Variants in PRKG1 observed in about 807,000 individuals in gnomAD.
PRKG1 encodes cGMP-dependent protein kinase 1.
Under a neutral mutation model 88.1 loss-of-function variants are expected in PRKG1, and 35 were observed. The ratio of observed to expected loss-of-function variants is 0.40; its 90% confidence interval spans 0.30 to 0.53. The LOEUF (loss-of-function observed/expected upper bound fraction) is 0.53, where lower values mean the gene tolerates loss of function less well. PRKG1 is among the 20% of genes least tolerant of loss of function. The pLI, the probability that PRKG1 is intolerant of heterozygous loss-of-function variation, is 0.59. For synonymous variants in PRKG1, 303 were observed against 292.5 expected (o/e 1.04, Z -0.37); for missense variants, 540 against 839.8 (o/e 0.64, Z 4.41).
chr10:51,436,578 A>C (rs74132015), intron 2 of PRKG1, among the ~76,000 whole-genome samples: 7,535 of 152,036 alleles, frequency 0.05, 600 homozygotes, highest in African/African-American at 0.17. Context: ...AATGGCTCCT[A>C]ATGAGTTCTT....
At chr10:52,046,179 A>C (rs1391286430) in intron 5 of PRKG1, among the ~76,000 whole-genome samples, 1 of 152,148 alleles carries the variant, frequency 6.6e-6, no homozygotes, top group African/African-American at 2.4e-5. Flanking sequence ...GTTGAAGGTC[A>C]CTGGGTTAAT....
chr10:51,495,762 A>G (rs1437910601), intron 3 of PRKG1, among the ~76,000 whole-genome samples: 1 of 152,202 alleles, frequency 6.6e-6, no homozygotes, highest in Non-Finnish European at 1.5e-5. Context: ...AAGGAGGTAA[A>G]TGTATATTCC....
At chr10:51,556,471 A>G (rs1402195447) in intron 3 of PRKG1, among the ~76,000 whole-genome samples, 1 of 151,952 alleles carries the variant, frequency 6.6e-6, no homozygotes, top group East Asian at 1.9e-4. Context: ...TAGCAAAGAC[A>G]TGGACCCAAC....
intron 1 of PRKG1, among the ~76,000 whole-genome samples, chr10:51,107,555 C>T (rs904347939): frequency 6.6e-6 from 1 of 151,498 alleles, no homozygotes; most frequent in Admixed American, 6.6e-5. Flanking sequence ...AACTGATGAA[C>T]CTCATCTGGG....
At chr10:52,043,879 T>C (rs1845804823) in intron 5 of PRKG1, among the ~76,000 whole-genome samples, 1 of 143,270 alleles carries the variant, frequency 7.0e-6, no homozygotes, top group Admixed American at 7.1e-5. Context: ...GAAAATCCAT[T>C]AAGTAAACAG....
intron 2 of PRKG1, among the ~76,000 whole-genome samples, chr10:51,456,093 G>T (rs932521855): frequency 6.6e-6 from 1 of 152,182 alleles, no homozygotes; most frequent in Non-Finnish European, 1.5e-5. Context: ...TGATCATGGT[G>T]AAAGTGAAGG....
chr10:51,797,570 A>G lies in PRKG1; in HGVS notation c.593-7015A>G, dbSNP rs1249612212. Among the ~76,000 whole-genome samples, 25 of 147,072 alleles carry G rather than the reference A, an allele frequency of 1.7e-4. No homozygotes were observed. The Admixed American group carries it at 1.7e-3, about 10-fold the overall frequency. Reference sequence around the variant, plus strand: ...ATTAAATATAATATTTTATTATATTATTTTATGTTATATATAAATATCTAA... The same window carrying G: ...ATTAAATATAATATTTTATTATATTGTTTTATGTTATATATAAATATCTAA... On this transcript the variant is annotated intron_variant, in intron 3 of 17. Transcript: ENST00000373980.
chr10:51,094,839 A>G (rs1844491120), intron 1 of PRKG1, among the ~76,000 whole-genome samples: 1 of 152,178 alleles, frequency 6.6e-6, no homozygotes, highest in Admixed American at 6.6e-5. Flanking sequence ...TACAGTTTAT[A>G]AGCAAAACTA....
intron 3 of PRKG1, among the ~76,000 whole-genome samples, chr10:51,471,436 A>T (rs1840047962): frequency 6.6e-6 from 1 of 151,586 alleles, no homozygotes; most frequent in South Asian, 2.1e-4. Context: ...CCCCTTACTT[A>T]CTCAGTTCCC....
At chr10:51,834,453 C>T (rs1471953326) in intron 4 of PRKG1, among the ~76,000 whole-genome samples, 1 of 151,958 alleles carries the variant, frequency 6.6e-6, no homozygotes, top group East Asian at 1.9e-4. Context: ...CCAGCCTGGG[C>T]AACACGGAGA....
At chr10:51,568,407 G>A (rs1055005686) in intron 3 of PRKG1, 1 of 148,516 alleles carries the variant, frequency 6.7e-6, no homozygotes, top group Admixed American at 6.6e-5. Context: ...TTTAATTGTT[G>A]TTTTATTTTT....
At chr10:51,683,935 G>T (rs886420928) in intron 3 of PRKG1, among the ~76,000 whole-genome samples, 2 of 152,152 alleles carry the variant, frequency 1.3e-5, no homozygotes, top group Non-Finnish European at 2.9e-5. Context: ...TTTTTCGGGG[G>T]AATGTAAAAT....
At chr10:52,205,441 C>T (rs1302888637) in intron 9 of PRKG1, among the ~76,000 whole-genome samples, 2 of 152,152 alleles carry the variant, frequency 1.3e-5, no homozygotes, top group Non-Finnish European at 2.9e-5. Context: ...GACCAGCCAA[C>T]ACTTAGGGAA....
At chr10:51,240,507 C>T (rs149659287) in intron 2 of PRKG1, among the ~76,000 whole-genome samples, 29 of 152,276 alleles carry the variant, frequency 1.9e-4, no homozygotes, top group African/African-American at 7.0e-4. Flanking sequence ...TGTACAAAGT[C>T]AGTTATTTTA....
intron 3 of PRKG1, among the ~76,000 whole-genome samples, chr10:51,709,353 TAGC>T (rs1300799908): frequency 1.3e-5 from 2 of 152,218 alleles, no homozygotes; most frequent in African/African-American, 4.8e-5. Flanking sequence ...GACAAAATCA[TAGC>T]AACAATTCTT....
intron 2 of PRKG1, among the ~76,000 whole-genome samples, chr10:51,357,098 A>G (rs1362102330): frequency 6.6e-6 from 1 of 151,968 alleles, no homozygotes; most frequent in Non-Finnish European, 1.5e-5. Context: ...TCTGACTTCA[A>G]TTAGCCTGCT....
chr10:51,818,448 A>G (rs1839650332), intron 4 of PRKG1, among the ~76,000 whole-genome samples: 1 of 152,090 alleles, frequency 6.6e-6, no homozygotes, highest in South Asian at 2.1e-4. Flanking sequence ...GAAAAGAGAT[A>G]TTTTCTTTCT....
intron 9 of PRKG1, among the ~76,000 whole-genome samples, 159 bp downstream of exon 9, chr10:52,162,122 T>C (rs934224973): frequency 1.3e-5 from 2 of 152,122 alleles, no homozygotes; most frequent in African/African-American, 4.8e-5. Flanking sequence ...TATTACACGG[T>C]ATGCTTACCT....
intron 3 of PRKG1, among the ~76,000 whole-genome samples, chr10:51,751,935 C>T (rs1040553808): frequency 3.9e-5 from 6 of 151,966 alleles, no homozygotes; most frequent in African/African-American, 1.5e-4. Flanking sequence ...GGATAATAAA[C>T]AAATAGTCAG....
Sources: allele counts gnomAD v4.1 joint callset (sites outside exome capture counted in the v4.1 genomes callset), GRCh38; gene constraint gnomAD v4.1.1; transcripts MANE v1.5; gene names NCBI Gene and HGNC (gene_info 2026-07-23, HGNC 2026-07-21).